The following WNK3 variants were observed in gnomAD, a reference collection of about 807,000 sequenced individuals.
WNK3 encodes serine/threonine-protein kinase WNK3.
In WNK3, 18 loss-of-function variants were observed where a neutral mutation model predicts 116.7. The ratio of observed to expected loss-of-function variants is 0.15; its 90% CI spans 0.11 to 0.23. WNK3 has a LOEUF of 0.23. Among genes scored for constraint, WNK3 ranks in the 10% least tolerant of loss-of-function variants. The pLI is 1.00. For missense variants in WNK3, 993 were observed against 1,323.8 expected, an observed-to-expected ratio of 0.75 and a Z score of 3.88; for synonymous variants, 404 against 469.4, an observed-to-expected ratio of 0.86 and a Z score of 1.80.
chrX:54,263,630 G>A (rs1369105342), intron 10 of WNK3, among the ~76,000 whole-genome samples: 3 of 111,639 alleles, frequency 2.7e-5, no homozygotes, highest in Admixed American at 9.6e-5. Flanking sequence ...AAAGCTGGGC[G>A]AGATTAAATA....
intron 17 of WNK3, among the ~76,000 whole-genome samples, chrX:54,248,081 TACA>T (rs1361488414): frequency 1.8e-5 from 2 of 110,010 alleles, no homozygotes; most frequent in Non-Finnish European, 3.8e-5. Context: ...TCTCTACTAA[TACA>T]ACAATTAGCC....
intron 22 of WNK3, among the ~76,000 whole-genome samples, chrX:54,228,100 C>CCG (rs2067862708): frequency 9.0e-6 from 1 of 110,647 alleles, no homozygotes; most frequent in African/African-American, 3.3e-5. Flanking sequence ...AGGCTGGTCT[C>CCG]CAACTCCTGG....
At chrX:54,271,483 A>G (rs1218893080) in intron 10 of WNK3, among the ~76,000 whole-genome samples, 1 of 112,226 alleles carries the variant, frequency 8.9e-6, no homozygotes, top group African/African-American at 3.2e-5. Flanking sequence ...CTACACAGGT[A>G]CTTAGCAAAA....
chrX:54,213,986 T>A (rs782049118), intron 22 of WNK3, among the ~76,000 whole-genome samples: 28 of 109,568 alleles, frequency 2.6e-4, no homozygotes, highest in Non-Finnish European at 1.7e-4. Context: ...GAAAAAAAAA[T>A]TTTTTTTTGA....
At chrX:54,193,389 C>T (rs2067416831) in exon 24 of WNK3, 1 of 110,774 alleles carries the variant, frequency 9.0e-6, no homozygotes, top group Admixed American at 9.7e-5. Context: ...AAAAGAAATT[C>T]AACTTAAAAA....
rs781924596 is a variant in WNK3 at position 54,207,307 on chromosome X, A to T, written c.4871-5114T>A. ...TCTTACACTAAACACTAACAGAAAC[A>T]TGCTGTGGCAGCTGCCAAATTTTTT... is the stretch of plus-strand genomic sequence containing the variant. On this transcript the variant is annotated intron_variant, in intron 22 of 23. Coordinates refer to ENST00000354646, the Ensembl canonical transcript of WNK3. Among the ~76,000 whole-genome samples the T allele has an allele frequency of 6.3e-5, 7 of 111,147 alleles. No homozygotes were observed. In the South Asian group the frequency reaches 2.7e-3, roughly 42 times the overall value.
At chrX:54,252,078 A>G (rs1262497050) in intron 13 of WNK3, among the ~76,000 whole-genome samples, 17 of 108,604 alleles carry the variant, frequency 1.6e-4, no homozygotes, top group Non-Finnish European at 2.7e-4. Context: ...AAAAAAAAAA[A>G]AAAAGAAAAG....
intron 2 of WNK3, among the ~76,000 whole-genome samples, chrX:54,329,742 G>A (rs1557173957): frequency 9.0e-6 from 1 of 111,070 alleles, no homozygotes; most frequent in African/African-American, 3.3e-5. Flanking sequence ...AGAGTACACA[G>A]CTTGCAAAAT....
intron 22 of WNK3, among the ~76,000 whole-genome samples, chrX:54,217,651 G>C (rs1291953136): frequency 9.1e-6 from 1 of 110,496 alleles, no homozygotes; most frequent in East Asian, 2.8e-4. Context: ...ATGTGTTGTG[G>C]CATGCACCTA....
chrX:54,271,770 T>C (rs917725165), intron 10 of WNK3, among the ~76,000 whole-genome samples: 1 of 111,965 alleles, frequency 8.9e-6, no homozygotes, highest in Non-Finnish European at 1.9e-5. Context: ...ACCTCCCAAA[T>C]TGAAGAGTTC....
intron 21 of WNK3, among the ~76,000 whole-genome samples, chrX:54,228,984 A>G (rs782218047): frequency 1.9e-3 from 215 of 111,703 alleles, no homozygotes; most frequent in African/African-American, 6.9e-3. Flanking sequence ...AGGCATAAAG[A>G]TTAAAAAGGG....
chrX:54,316,475 G>C (rs959133064), intron 2 of WNK3, among the ~76,000 whole-genome samples: 6 of 105,890 alleles, frequency 5.7e-5, no homozygotes, highest in Non-Finnish European at 1.2e-4. Flanking sequence ...AGGAGGCGGA[G>C]GTTGCAGTGA....
chrX:54,256,763 G>T (rs782366164), intron 11 of WNK3, among the ~76,000 whole-genome samples: 1 of 112,349 alleles, frequency 8.9e-6, no homozygotes. Flanking sequence ...TCCATATGAC[G>T]TATGACATAA....
intron 10 of WNK3, among the ~76,000 whole-genome samples, chrX:54,274,527 C>A (rs1403470571): frequency 1.8e-5 from 2 of 111,819 alleles, no homozygotes; most frequent in Non-Finnish European, 3.8e-5. Flanking sequence ...AAGGACATCA[C>A]TACGGTAATT....
intron 2 of WNK3, among the ~76,000 whole-genome samples, chrX:54,312,639 T>C (rs1456625325): frequency 1.8e-5 from 2 of 110,268 alleles, no homozygotes; most frequent in Admixed American, 9.8e-5. Context: ...GGTTTCACCA[T>C]GTTGACCAGG....
chrX:54,334,381 C>T (rs2069208158), intron 1 of WNK3, among the ~76,000 whole-genome samples: 1 of 111,181 alleles, frequency 9.0e-6, no homozygotes, highest in African/African-American at 3.3e-5. Context: ...TCCCTATCAG[C>T]CCCCACCCAC....
chrX:54,322,835 T>C (rs1473852280), intron 2 of WNK3, among the ~76,000 whole-genome samples: 5 of 111,774 alleles, frequency 4.5e-5, no homozygotes, highest in African/African-American at 1.6e-4. Context: ...ATATGATACC[T>C]GCTATTACTA....
intron 2 of WNK3, among the ~76,000 whole-genome samples, chrX:54,320,103 C>T (rs1409026674): frequency 9.0e-6 from 1 of 111,648 alleles, no homozygotes; most frequent in East Asian, 2.8e-4. Flanking sequence ...ACAAATTTAT[C>T]AAATAGATTT....
chrX:54,286,333 C>T (rs2068579924), intron 10 of WNK3, among the ~76,000 whole-genome samples: 2 of 110,770 alleles, frequency 1.8e-5, no homozygotes, highest in Admixed American at 2.0e-4. Context: ...TATTTATTCT[C>T]GCTCAGTCCT....
Sources: allele counts gnomAD v4.1 joint callset (sites outside exome capture counted in the v4.1 genomes callset), GRCh38; gene constraint gnomAD v4.1.1; transcripts MANE v1.5; gene names NCBI Gene and HGNC (gene_info 2026-07-23, HGNC 2026-07-21).